SNTG1: variants seen among roughly 807,000 people sequenced by gnomAD.
SNTG1 encodes the protein gamma-1-syntrophin.
In SNTG1, 39 loss-of-function variants were observed where a neutral mutation model predicts 74.7. That is an observed-to-expected ratio of 0.52 (90% confidence interval 0.40 to 0.68). SNTG1 has a LOEUF of 0.68. Among genes scored for constraint, SNTG1 ranks in the 30% least tolerant of loss-of-function variants. The pLI, the probability that SNTG1 is intolerant of heterozygous loss-of-function variation, is 0.00. For missense variants in SNTG1, 685 were observed against 609.5 expected (o/e 1.12, Z -1.30); for synonymous variants, 254 against 217.1 (o/e 1.17, Z -1.49).
chr8:50,555,527 T>A (rs1278236939), intron 12 of SNTG1, among the ~76,000 whole-genome samples: 1 of 152,150 alleles, frequency 6.6e-6, no homozygotes, highest in Non-Finnish European at 1.5e-5. Context: ...GTTAGTTAGA[T>A]ATCAGTTCTA....
intron 1 of SNTG1, among the ~76,000 whole-genome samples, chr8:50,061,354 A>G (rs151295537): frequency 3.0e-4 from 45 of 152,156 alleles, no homozygotes; most frequent in African/African-American, 9.9e-4. Flanking sequence ...TGGTTTCAGG[A>G]TTTGTATTAA....
chr8:50,599,249 A>AT (rs1177108108), intron 13 of SNTG1, among the ~76,000 whole-genome samples: 1 of 151,908 alleles, frequency 6.6e-6, no homozygotes, highest in Non-Finnish European at 1.5e-5. Flanking sequence ...GTACCATGCC[A>AT]TTTTTCTTAC....
chr8:50,259,675 T>C (rs1443118508), intron 2 of SNTG1, among the ~76,000 whole-genome samples: 1 of 152,092 alleles, frequency 6.6e-6, no homozygotes, highest in East Asian at 1.9e-4. Context: ...GTTTTCCATA[T>C]GATATATATG....
At position 49,926,802 on chromosome 8, in the gene SNTG1, C is replaced by G. The variant is rs184019969; in HGVS notation, c.-103+14571C>G. Among the ~76,000 whole-genome samples, 4 of 152,018 alleles carry G rather than the reference C, an allele frequency of 2.6e-5. No individual in the cohort carries two copies. The East Asian group carries it at 7.7e-4, about 29-fold the overall frequency. On this transcript the variant is annotated intron_variant, in intron 1 of 18. Coordinates refer to ENST00000642720, the MANE Select transcript of SNTG1 (RefSeq NM_018967.5). ...AGGCAATGTCAAGAGAATAAGAAGA[C>G]AAGCTATGGAAAAGGAGAAAATACT...
At chr8:50,331,382 C>A (rs1005721711) in intron 2 of SNTG1, among the ~76,000 whole-genome samples, 1 of 152,068 alleles carries the variant, frequency 6.6e-6, no homozygotes, top group Admixed American at 6.6e-5. Flanking sequence ...GAGACCAAAA[C>A]GATCTTTAAT....
chr8:50,017,055 C>CTTTTTAATAT (rs1487055260), intron 1 of SNTG1, among the ~76,000 whole-genome samples: 82 of 152,130 alleles, frequency 5.4e-4, no homozygotes, highest in Middle Eastern at 3.4e-3. Context: ...AACTGAGAGA[C>CTTTTTAATAT]TAATACAATT....
At chr8:50,487,698 G>T (rs1005543229) in intron 8 of SNTG1, among the ~76,000 whole-genome samples, 4 of 150,004 alleles carry the variant, frequency 2.7e-5, no homozygotes, top group African/African-American at 7.5e-5. Context: ...GGGGTCGGAG[G>T]GGGGGGAGGG....
At chr8:50,095,025 G>A (rs1002819284) in intron 1 of SNTG1, among the ~76,000 whole-genome samples, 8 of 152,182 alleles carry the variant, frequency 5.3e-5, no homozygotes, top group African/African-American at 1.9e-4. Context: ...GCAGCTGGAG[G>A]ACATTATCCT....
chr8:50,626,074 G>A (rs1563663742), intron 13 of SNTG1, among the ~76,000 whole-genome samples: 1 of 152,074 alleles, frequency 6.6e-6, no homozygotes, highest in Admixed American at 6.6e-5. Context: ...GGTTTGCCTG[G>A]TCTGCCAGCA....
At chr8:50,104,508 A>G (rs1208452656) in intron 1 of SNTG1, among the ~76,000 whole-genome samples, 1 of 151,966 alleles carries the variant, frequency 6.6e-6, no homozygotes, top group African/African-American at 2.4e-5. Flanking sequence ...CTTTCAAAAA[A>G]CCAGCTCCTG....
intron 13 of SNTG1, among the ~76,000 whole-genome samples, chr8:50,632,965 C>G (rs2095012599): frequency 6.6e-6 from 1 of 152,140 alleles, no homozygotes. Context: ...AAACCTCAGA[C>G]CTTTCATGGC....
At chr8:50,546,629 G>A (rs942688939) in intron 11 of SNTG1, among the ~76,000 whole-genome samples, 5 of 150,744 alleles carry the variant, frequency 3.3e-5, no homozygotes, top group East Asian at 2.0e-4. Flanking sequence ...GAGAACATGC[G>A]GTGTTTGGAT....
At chr8:50,460,357 C>G (rs1484548874) in intron 8 of SNTG1, among the ~76,000 whole-genome samples, 1 of 151,918 alleles carries the variant, frequency 6.6e-6, no homozygotes, top group African/African-American at 2.4e-5. Flanking sequence ...TTCTATTGTT[C>G]CAGTTCTTTA....
intron 1 of SNTG1, among the ~76,000 whole-genome samples, chr8:50,065,045 GA>G (rs558911820): frequency 3.1e-3 from 473 of 152,254 alleles, no homozygotes; most frequent in Non-Finnish European, 4.6e-3. Context: ...AAAAATTTAA[GA>G]AATATAAAGC....
intron 1 of SNTG1, among the ~76,000 whole-genome samples, chr8:50,069,667 C>A (rs535583383): frequency 8.5e-6 from 1 of 117,988 alleles, no homozygotes; most frequent in African/African-American, 3.3e-5. Flanking sequence ...CAAGAAGATA[C>A]CTTTTCCTTT....
intron 2 of SNTG1, among the ~76,000 whole-genome samples, chr8:50,369,230 C>T (rs1253075119): frequency 6.6e-6 from 1 of 152,110 alleles, no homozygotes; most frequent in Non-Finnish European, 1.5e-5. Context: ...ATGGTAGGGA[C>T]TTTGGGAGGT....
chr8:50,701,326 C>G (rs546317827), intron 15 of SNTG1, among the ~76,000 whole-genome samples: 58 of 152,246 alleles, frequency 3.8e-4, no homozygotes, highest in Admixed American at 1.5e-3. Context: ...ATACTGTGTT[C>G]AAGTCCAAAA....
At chr8:50,473,641 A>G (rs2093671125) in intron 8 of SNTG1, among the ~76,000 whole-genome samples, 1 of 152,206 alleles carries the variant, frequency 6.6e-6, no homozygotes, top group Non-Finnish European at 1.5e-5. Flanking sequence ...ATTTTTCACA[A>G]TAACCAAGAA....
In SNTG1 at chr8:50,141,055, A is replaced by G. The variant is rs533043232; in HGVS notation, c.-102-31506A>G. Among the ~76,000 whole-genome samples the G allele has an allele frequency of 3.9e-5, 6 of 152,342 alleles. No individual in the cohort carries two copies. In the East Asian group the frequency reaches 1.2e-3, roughly 29 times the overall value. On this transcript the variant is annotated intron_variant, in intron 1 of 18. Coordinates refer to ENST00000642720, the MANE Select transcript of SNTG1 (RefSeq NM_018967.5). ...AGACCCACTGGAACAGAAACTCTGTAAGAATGCATGAAAATGTGTTTCTTC... is the reference window on the plus strand; with the variant it reads ...AGACCCACTGGAACAGAAACTCTGTGAGAATGCATGAAAATGTGTTTCTTC...
Sources: allele counts gnomAD v4.1 joint callset (sites outside exome capture counted in the v4.1 genomes callset), GRCh38; gene constraint gnomAD v4.1.1; transcripts MANE v1.5; gene names NCBI Gene and HGNC (gene_info 2026-07-23, HGNC 2026-07-21).